The following TNFRSF19 variants were observed in gnomAD, a reference collection of about 807,000 sequenced individuals.
The protein encoded by TNFRSF19 is TNF receptor superfamily member 19, also known as tumor necrosis factor receptor superfamily member 19.
A neutral mutation model predicts 46.4 loss-of-function variants in TNFRSF19; 27 were observed. The ratio of observed to expected loss-of-function variants is 0.58; its 90% CI spans 0.43 to 0.80. The LOEUF is 0.80. Ranked by LOEUF, TNFRSF19 falls within the 30% of genes least tolerant of loss-of-function variation. The pLI, the probability that TNFRSF19 is intolerant of heterozygous loss-of-function variation, is 0.00. For missense variants in TNFRSF19, 511 were observed against 530.8 expected (o/e 0.96, Z 0.37); for synonymous variants, 204 against 205.0 (o/e 1.00, Z 0.04).
At chr13:23,670,157 G>A (rs1485180550) in intron 9 of TNFRSF19, among the ~76,000 whole-genome samples, 3 of 152,312 alleles carry the variant, frequency 2.0e-5, no homozygotes, top group Non-Finnish European at 4.4e-5. Flanking sequence ...CAGTTCATAA[G>A]TTACATACTG....
At chr13:23,607,201 AG>A (rs774294948) in intron 3 of TNFRSF19, among the ~76,000 whole-genome samples, 23 of 152,332 alleles carry the variant, frequency 1.5e-4, no homozygotes, top group Non-Finnish European at 2.8e-4. Flanking sequence ...TGGGAGGCCG[AG>A]GCAGGTGGAT....
chr13:23,571,879 T>G (rs896695681), intron 1 of TNFRSF19, among the ~76,000 whole-genome samples: 1 of 152,066 alleles, frequency 6.6e-6, no homozygotes, highest in Non-Finnish European at 1.5e-5. Context: ...GATGTTTTTT[T>G]TTTTAATGTT....
chr13:23,653,464 G>A (rs1312650020), intron 5 of TNFRSF19, among the ~76,000 whole-genome samples: 1 of 152,190 alleles, frequency 6.6e-6, no homozygotes, highest in African/African-American at 2.4e-5. Flanking sequence ...GAGAAAGCAG[G>A]GCAGTGGGTA....
At chr13:23,653,655 G>A (rs1276429027) in intron 5 of TNFRSF19, among the ~76,000 whole-genome samples, 2 of 152,170 alleles carry the variant, frequency 1.3e-5, no homozygotes, top group Non-Finnish European at 2.9e-5. Flanking sequence ...AGTGTGTTGA[G>A]GGATTTGCTT....
At chr13:23,627,938 C>T (rs11619693) in intron 5 of TNFRSF19, among the ~76,000 whole-genome samples, 3 of 152,108 alleles carry the variant, frequency 2.0e-5, no homozygotes, top group African/African-American at 7.2e-5. Flanking sequence ...GTAAGATTTT[C>T]TTTTATAGAA....
intron 2 of TNFRSF19, among the ~76,000 whole-genome samples, chr13:23,592,263 G>A (rs1457677825): frequency 6.6e-6 from 1 of 152,094 alleles, no homozygotes; most frequent in East Asian, 1.9e-4. Flanking sequence ...AAGATTTTCA[G>A]CTTCCATTAA....
intron 4 of TNFRSF19, 100 bp downstream of exon 4, chr13:23,616,145 T>A: frequency 8.1e-7 from 1 of 1,232,912 alleles, no homozygotes; most frequent in Non-Finnish European, 1.1e-6. Context: ...ATGCTGGTAT[T>A]AACCTGAAGA....
At chr13:23,662,560 T>C (rs772466607) in intron 7 of TNFRSF19, among the ~76,000 whole-genome samples, 46 of 152,230 alleles carry the variant, frequency 3.0e-4, no homozygotes, top group Non-Finnish European at 5.3e-4. Flanking sequence ...CCTAGTTCTG[T>C]GAAGAATGTC....
Position 23,673,552 on chromosome 13 carries a change from A to G in TNFRSF19, c.*172A>G, listed in dbSNP as rs1951788549. The G allele has an allele frequency of 7.8e-7, 1 of 1,281,264 alleles. No individual in the cohort carries two copies. The highest frequency in any genetic ancestry group is 1.5e-5 in the African/African-American group (1 of 65,772). 79.4% of individuals were successfully genotyped at this position (1,281,264 alleles called of 1,614,324 possible). A position where few individuals can be genotyped will look rare whatever the true frequency, so the allele number is the denominator to read the frequency against. On this transcript the variant is annotated 3_prime_UTR_variant, in exon 10 of 10. Coordinates refer to ENST00000248484, the MANE Select transcript of TNFRSF19 (RefSeq NM_148957.4). ...CAGCCAGTTGCTTCTGAGCCAGACCAGCTGTAAGCTGAAACCTCAATGAAT... is the reference window on the plus strand; with the variant it reads ...CAGCCAGTTGCTTCTGAGCCAGACCGGCTGTAAGCTGAAACCTCAATGAAT...
chr13:23,664,089 TGTTAG>T (rs1367684442), intron 7 of TNFRSF19, among the ~76,000 whole-genome samples: 3 of 152,192 alleles, frequency 2.0e-5, no homozygotes, highest in African/African-American at 7.2e-5. Context: ...TCTGTTGTAA[TGTTAG>T]GTTGTTAATT....
At chr13:23,665,136 C>A (rs893429589) in intron 7 of TNFRSF19, among the ~76,000 whole-genome samples, 35 of 152,076 alleles carry the variant, frequency 2.3e-4, no homozygotes, top group African/African-American at 8.2e-4. Context: ...GACTCTTAGA[C>A]ACTATTAATG....
intron 5 of TNFRSF19, among the ~76,000 whole-genome samples, chr13:23,640,368 T>G (rs1398650892): frequency 1.3e-5 from 2 of 152,168 alleles, no homozygotes; most frequent in Non-Finnish European, 2.9e-5. Flanking sequence ...ACTGCCAGAT[T>G]TCTGTGTAAC....
chr13:23,619,871 G>A (rs900425070), intron 4 of TNFRSF19, among the ~76,000 whole-genome samples: 7 of 152,300 alleles, frequency 4.6e-5, no homozygotes, highest in East Asian at 3.9e-4. Context: ...CTGTGCTGCC[G>A]GAGTAGGGGA....
chr13:23,574,061 C>CAAAAA (rs67057644), intron 1 of TNFRSF19, among the ~76,000 whole-genome samples: 7 of 95,376 alleles, frequency 7.3e-5, no homozygotes, highest in African/African-American at 2.5e-4. Flanking sequence ...GACTCTGTCT[C>CAAAAA]AAAAAAAAAA....
chr13:23,592,829 C>G (rs1282404000), intron 2 of TNFRSF19, among the ~76,000 whole-genome samples: 1 of 152,198 alleles, frequency 6.6e-6, no homozygotes, highest in African/African-American at 2.4e-5. Flanking sequence ...TTGCGAAGTT[C>G]TTGTGGCTAC....
At chr13:23,616,681 C>T (rs1881318052) in intron 4 of TNFRSF19, among the ~76,000 whole-genome samples, 1 of 149,824 alleles carries the variant, frequency 6.7e-6, no homozygotes, top group African/African-American at 2.4e-5. Context: ...CTCCCAGGTT[C>T]AAGTGATTCT....
At position 23,659,966 on chromosome 13, in the gene TNFRSF19, TGAG is replaced by T. The variant is rs147912878; in HGVS notation, c.611-382_611-380del. Among the ~76,000 whole-genome samples, 4 of 151,290 alleles carry T rather than the reference TGAG, an allele frequency of 2.6e-5. No homozygotes were observed. The highest frequency in any genetic ancestry group is 4.4e-5 in the Non-Finnish European group (3 of 67,636). On this transcript the variant is annotated intron_variant, in intron 6 of 9. Transcript: ENST00000248484. The surrounding 1 kb of genome is among the most constrained non-coding windows in gnomAD (Gnocchi z 4.9). ...CTCATCATCTTCATGTTGAGTGGGC[TGAG>T]GAGGAGGAGGAGGAGGGTTGGCCTT... is the stretch of plus-strand genomic sequence containing the variant.
intron 3 of TNFRSF19, among the ~76,000 whole-genome samples, chr13:23,595,849 G>A (rs1479381033): frequency 6.6e-6 from 1 of 152,140 alleles, no homozygotes; most frequent in African/African-American, 2.4e-5. Context: ...AATGTTAAGG[G>A]CAGCCAGAGA....
intron 7 of TNFRSF19, among the ~76,000 whole-genome samples, chr13:23,665,378 A>G (rs1680549481): frequency 6.6e-6 from 1 of 152,226 alleles, no homozygotes; most frequent in Non-Finnish European, 1.5e-5. Context: ...TCCTAACAGA[A>G]CACTGGGGCC....
Sources: allele counts gnomAD v4.1 joint callset (sites outside exome capture counted in the v4.1 genomes callset), GRCh38; gene constraint gnomAD v4.1.1; non-coding constraint Gnocchi (gnomAD v3.1); transcripts MANE v1.5; gene names NCBI Gene and HGNC (gene_info 2026-07-23, HGNC 2026-07-21).